Variants in FMN1 observed in about 807,000 individuals in gnomAD.
The protein encoded by FMN1 is formin 1.
FMN1 carries 110 observed loss-of-function variants against 132.4 expected under a neutral mutation model. That is an observed-to-expected ratio of 0.83 (90% confidence interval 0.71 to 0.97). The LOEUF (loss-of-function observed/expected upper bound fraction) is 0.97, where lower values mean the gene tolerates loss of function less well. Ranked by LOEUF, FMN1 falls within the 50% of genes least tolerant of loss-of-function variation. FMN1 has a pLI of 0.00. For synonymous variants in FMN1, 722 were observed against 651.7 expected (o/e 1.11, Z -1.64); for missense variants, 1,792 against 1,705.3 (o/e 1.05, Z -0.90).
intron 7 of FMN1, among the ~76,000 whole-genome samples, chr15:32,976,494 A>C (rs756049232): frequency 6.6e-6 from 1 of 152,214 alleles, no homozygotes; most frequent in Non-Finnish European, 1.5e-5. Context: ...TGTAAAAACA[A>C]AAGTTTCTAT....
chr15:32,970,685 A>G, intron 7 of FMN1: 1 of 152,418 alleles, frequency 6.6e-6, no homozygotes. Flanking sequence ...AGGGAAAGGT[A>G]TACACACAGG....
intron 4 of FMN1, among the ~76,000 whole-genome samples, chr15:33,128,997 G>A (rs1437752496): frequency 6.6e-6 from 1 of 152,066 alleles, no homozygotes; most frequent in Admixed American, 6.6e-5. Context: ...GTGCTGATTG[G>A]TCCATTTTTA....
intron 8 of FMN1, among the ~76,000 whole-genome samples, chr15:32,965,675 T>C (rs1258961473): frequency 2.0e-5 from 3 of 152,216 alleles, no homozygotes; most frequent in Non-Finnish European, 4.4e-5. Flanking sequence ...TAGATCTGCC[T>C]TTCCCATGAT....
In FMN1 at chr15:32,971,901, C is replaced by T. The variant is rs1183857472; in HGVS notation, c.2224-2424G>A. Among the ~76,000 whole-genome samples the T allele has an allele frequency of 4.6e-5, 7 of 152,226 alleles. No homozygotes were observed. In the East Asian group the frequency reaches 9.7e-4, roughly 21 times the overall value. On this transcript the variant is annotated intron_variant, in intron 7 of 20. Transcript: ENST00000616417. Reference sequence around the variant, plus strand: ...CCTCTTCTTTCTACCACTCTGTCAACGATCTTCTAAATCTGTTGAAGCTGA... The same window carrying T: ...CCTCTTCTTTCTACCACTCTGTCAATGATCTTCTAAATCTGTTGAAGCTGA...
intron 3 of FMN1, among the ~76,000 whole-genome samples, chr15:33,160,791 G>C (rs1449537109): frequency 6.6e-6 from 1 of 152,142 alleles, no homozygotes; most frequent in Non-Finnish European, 1.5e-5. Flanking sequence ...GGGAGTCTTC[G>C]TGTCTTCTAT....
intron 17 of FMN1, among the ~76,000 whole-genome samples, chr15:32,815,807 T>C (rs1330051409): frequency 6.6e-6 from 1 of 152,198 alleles, no homozygotes; most frequent in Admixed American, 6.5e-5. Context: ...ATTCACTGAA[T>C]ACTCAGTATG....
In FMN1 at chr15:32,959,585, C is replaced by T. The variant is rs375584515; in HGVS notation, c.3138+4522G>A. ...GAAAAGCAAGCACTACACAAGTGCA[C>T]GGATTCCATGGGGCAATGGCAACCA... On this transcript the variant is annotated intron_variant, in intron 9 of 20. Coordinates refer to ENST00000616417, the MANE Select transcript of FMN1 (RefSeq NM_001277313.2). Among the ~76,000 whole-genome samples, 8 of 152,254 alleles carry T rather than the reference C, an allele frequency of 5.3e-5. No homozygotes were observed. In the East Asian group the frequency reaches 5.8e-4, roughly 11 times the overall value.
At chr15:32,914,966 G>C (rs2060649764) in intron 10 of FMN1, among the ~76,000 whole-genome samples, 1 of 152,242 alleles carries the variant, frequency 6.6e-6, no homozygotes, top group Non-Finnish European at 1.5e-5. Flanking sequence ...CCAATGCCAA[G>C]TATTCCACTG....
chr15:32,803,267 T>C (rs1459887120), intron 18 of FMN1, among the ~76,000 whole-genome samples: 3 of 152,236 alleles, frequency 2.0e-5, no homozygotes, highest in Non-Finnish European at 4.4e-5. Context: ...CCAGTACTTT[T>C]AGAATTCGTA....
chr15:32,959,861 A>G (rs2030303376), intron 9 of FMN1, among the ~76,000 whole-genome samples: 1 of 152,274 alleles, frequency 6.6e-6, no homozygotes, highest in South Asian at 2.1e-4. Flanking sequence ...AAACAAAAAG[A>G]GTAATAGCAA....
At position 32,856,712 on chromosome 15, in the gene FMN1, C is replaced by T. The variant is rs1020723837; in HGVS notation, c.3928+303G>A. ...CATGTATGTCATTTGTCAGTAAACA[C>T]GGGCTAAGGAATTCCTTGAGCCCCA... On this transcript the variant is annotated intron_variant, in intron 17 of 20. Coordinates refer to ENST00000616417, the MANE Select transcript of FMN1 (RefSeq NM_001277313.2). Among the ~76,000 whole-genome samples the T allele has an allele frequency of 4.6e-5, 7 of 152,274 alleles. No individual in the cohort carries two copies. The East Asian group carries it at 9.7e-4, about 21-fold the overall frequency.
At chr15:32,873,066 GCCACTGT>G (rs2059554302) in intron 16 of FMN1, among the ~76,000 whole-genome samples, 12 of 152,164 alleles carry the variant, frequency 7.9e-5, no homozygotes, top group South Asian at 2.1e-4. Context: ...TAATCAGTTT[GCCACTGT>G]CTTCAGATTT....
chr15:33,097,339 T>TA (rs1443698022), intron 4 of FMN1, among the ~76,000 whole-genome samples: 3 of 147,310 alleles, frequency 2.0e-5, no homozygotes, highest in African/African-American at 2.5e-5. Context: ...AGAGATGGGC[T>TA]AAAAGGAGCA....
chr15:32,809,921 AT>A lies in FMN1; in HGVS notation c.3929-5590del, dbSNP rs113281907. 1.5e-3 allele frequency among the ~76,000 whole-genome samples: 219 copies of A among 146,824 alleles called. 1 individual carries two copies. In the South Asian group the frequency reaches 0.026, roughly 17 times the overall value. On this transcript the variant is annotated intron_variant, in intron 17 of 20. Coordinates refer to ENST00000616417, the MANE Select transcript of FMN1 (RefSeq NM_001277313.2). ...TTACCTAGCAGGTACTCAAATACTT[AT>A]TTTTTTTTTTCTTTTGAGACAGGGT...
intron 3 of FMN1, among the ~76,000 whole-genome samples, chr15:33,169,740 C>CTTTTTT (rs57083437): frequency 6.8e-5 from 8 of 117,884 alleles, no homozygotes; most frequent in Non-Finnish European, 1.4e-4. Context: ...TTTTCTTTTC[C>CTTTTTT]TTTTTTTTTT....
chr15:32,809,147 C>T (rs1022820939), intron 17 of FMN1, among the ~76,000 whole-genome samples: 1 of 152,020 alleles, frequency 6.6e-6, no homozygotes, highest in Non-Finnish European at 1.5e-5. Context: ...CCTGTTTTTT[C>T]CCCTTAATGA....
intron 6 of FMN1, among the ~76,000 whole-genome samples, chr15:33,042,953 A>G (rs1173337784): frequency 6.6e-6 from 1 of 152,054 alleles, no homozygotes; most frequent in South Asian, 2.1e-4. Context: ...CCTTATCCAT[A>G]ACACAAAAAC....
chr15:33,168,312 C>T (rs1447862962), intron 3 of FMN1, among the ~76,000 whole-genome samples: 2 of 152,154 alleles, frequency 1.3e-5, no homozygotes, highest in Non-Finnish European at 2.9e-5. Flanking sequence ...TGCTTCTCTT[C>T]AGAAAAATAT....
At chr15:32,951,014 T>C (rs1264049455) in intron 9 of FMN1, among the ~76,000 whole-genome samples, 1 of 152,174 alleles carries the variant, frequency 6.6e-6, no homozygotes, top group Non-Finnish European at 1.5e-5. Flanking sequence ...GCTTGACTTT[T>C]TAAATTCTAT....
Sources: allele counts gnomAD v4.1 joint callset (sites outside exome capture counted in the v4.1 genomes callset), GRCh38; gene constraint gnomAD v4.1.1; transcripts MANE v1.5; gene names NCBI Gene and HGNC (gene_info 2026-07-23, HGNC 2026-07-21).